The following GNAS variants were observed in gnomAD, a reference collection of about 807,000 sequenced individuals.
The protein encoded by GNAS is GNAS complex locus, also known as protein ALEX.
In GNAS, 8 loss-of-function variants were observed where a neutral mutation model predicts 54.5. The observed-to-expected ratio is 0.15, with a 90% CI of 0.09 to 0.26. GNAS has a LOEUF of 0.26. Ranked by LOEUF, GNAS falls within the 10% of genes least tolerant of loss-of-function variation. The pLI is 1.00. For missense variants in GNAS, 170 were observed against 529.8 expected, an observed-to-expected ratio of 0.32 and a Z score of 6.67; for synonymous variants, 204 against 191.4, an observed-to-expected ratio of 1.07 and a Z score of -0.54.
At chr20:58,844,496 G>A (rs1284264435) in intron 1 of GNAS, among the ~76,000 whole-genome samples, 1 of 152,074 alleles carries the variant, frequency 6.6e-6, no homozygotes, top group African/African-American at 2.4e-5. Context: ...AAAGGCCCAG[G>A]GCTAGCAGCC....
chr20:58,882,195 A>T (rs1356545145), intron 1 of GNAS, among the ~76,000 whole-genome samples: 1 of 152,052 alleles, frequency 6.6e-6, no homozygotes, highest in Non-Finnish European at 1.5e-5. Flanking sequence ...CAGCCTCCCG[A>T]GTAGCTGGGA....
chr20:58,889,226 C>CGCGGT, upstream of GNAS: 7 of 1,207,928 alleles, frequency 5.8e-6, no homozygotes, highest in Non-Finnish European at 7.4e-6. Context: ...GGCTGGCCGG[C>CGCGGT]GCGGCGCTCC....
Position 58,877,732 on chromosome 20 carries a change from C to T in GNAS, c.44-17880C>T, listed in dbSNP as rs775094905. Among the ~76,000 whole-genome samples the T allele has an allele frequency of 4.6e-5, 7 of 152,190 alleles. 1 individual carries two copies. The highest frequency in any genetic ancestry group is 7.3e-5 in the Non-Finnish European group (5 of 68,036). Reference sequence around the variant, plus strand: ...GTCAGCTCAAGCAAGAACGAGAGAACGGCGCTGTCACTGACTTCCCACCTC... The same window carrying T: ...GTCAGCTCAAGCAAGAACGAGAGAATGGCGCTGTCACTGACTTCCCACCTC... On this transcript the variant is annotated intron_variant, in intron 1 of 12. Transcript: ENST00000306090.
At chr20:58,845,475 C>T (rs1465888995) in intron 1 of GNAS, among the ~76,000 whole-genome samples, 4 of 152,204 alleles carry the variant, frequency 2.6e-5, no homozygotes, top group Admixed American at 6.5e-5. Context: ...GTTTGCGCAC[C>T]GCATCCCCCA....
chr20:58,891,551 G>T lies in GNAS; in HGVS notation c.-176G>T, dbSNP rs1159136778. 94 of 971,424 alleles carry T rather than the reference G, an allele frequency of 9.7e-5. No individual in the cohort carries two copies. The African/African-American group carries it at 1.6e-3, about 17-fold the overall frequency. 60.2% of individuals were successfully genotyped at this position (971,424 alleles called of 1,614,324 possible). ...GACCGACACCCTCCCCTTCCCGCCC[G>T]TCCGCGCGCCCCGCGGCCCGCGGCC... On this transcript the variant is annotated 5_prime_UTR_variant, in exon 1 of 13. Transcript: ENST00000371085.
chr20:58,854,373 G>T, intron 1 of GNAS: 1 of 1,572,414 alleles, frequency 6.4e-7, no homozygotes, highest in Non-Finnish European at 8.6e-7. Flanking sequence ...TGCCGCGGAG[G>T]GAGGAAAAGT....
chr20:58,878,921 GA>G (rs1286373956), intron 1 of GNAS, among the ~76,000 whole-genome samples: 2 of 129,680 alleles, frequency 1.5e-5, no homozygotes, highest in African/African-American at 2.9e-5. Flanking sequence ...GTGGGGGGGG[GA>G]GGGAGACAAA....
At chr20:58,854,921 G>A in intron 1 of GNAS, 1 of 1,600,178 alleles carries the variant, frequency 6.2e-7, no homozygotes, top group Non-Finnish European at 8.5e-7. Flanking sequence ...CTGCCTGGCG[G>A]GGCAAGTCCG....
At chr20:58,842,716 CAT>C (rs1237087903) in intron 1 of GNAS, among the ~76,000 whole-genome samples, 2 of 152,158 alleles carry the variant, frequency 1.3e-5, no homozygotes, top group African/African-American at 4.8e-5. Flanking sequence ...CTTTCTGTGA[CAT>C]TAAGTGTTCA....
chr20:58,898,803 G>GGGAGGAT (rs2090328737), intron 2 of GNAS, 138 bp from the exon 3 acceptor site: 1 of 815,632 alleles, frequency 1.2e-6, no homozygotes. Context: ...AAGAATTGCC[G>GGGAGGAT]GGAGGATGGA....
At chr20:58,845,879 A>G (rs1389358788) in intron 1 of GNAS, among the ~76,000 whole-genome samples, 1 of 152,218 alleles carries the variant, frequency 6.6e-6, no homozygotes, top group Non-Finnish European at 1.5e-5. Context: ...TCTGCCTGCA[A>G]CTATTCCCGG....
Position 58,841,304 on chromosome 20 carries a change from T to C in GNAS, c.43+418T>C, listed in dbSNP as rs2085713552. 1 of 1,063,512 alleles carries C rather than the reference T, an allele frequency of 9.4e-7. No individual in the cohort carries two copies. The highest frequency in any genetic ancestry group is 5.0e-5 in the Admixed American group (1 of 20,092). 65.9% of individuals were successfully genotyped at this position (1,063,512 alleles called of 1,614,324 possible). A position where few individuals can be genotyped will look rare whatever the true frequency, so the allele number is the denominator to read the frequency against. On this transcript the variant is annotated intron_variant, in intron 1 of 12. Transcript: ENST00000306090. This position sits in a 1 kb window ranked among gnomAD's most constrained non-coding sequence, Gnocchi z 5.0. The stretch of plus-strand genomic sequence containing the variant: ...TTGGCCTTCTCAGGTGTCCAAAATG[T>C]GGTTCGGAGGTGCGCGCGCCAACTT...
upstream of GNAS, among the ~76,000 whole-genome samples, chr20:58,887,882 A>C (rs2088700212): frequency 6.6e-6 from 1 of 152,158 alleles, no homozygotes; most frequent in Non-Finnish European, 1.5e-5. Context: ...GGCCAAGAAA[A>C]ATAATATGTG....
chr20:58,910,846 T>G lies in GNAS; in HGVS notation c.*17T>G. On this transcript the variant is annotated 3_prime_UTR_variant, in exon 13 of 13. Transcript: ENST00000371085. This position sits in a 1 kb window ranked among gnomAD's most constrained non-coding sequence, Gnocchi z 5.8. ...CTGCTCTAAGAAGGGAACCCCCAAATTTAATTAAAGCCTTAAGCACAATTA... is the reference window on the plus strand; with the variant it reads ...CTGCTCTAAGAAGGGAACCCCCAAAGTTAATTAAAGCCTTAAGCACAATTA... 5 of 1,611,604 alleles carry G rather than the reference T, an allele frequency of 3.1e-6. No individual in the cohort carries two copies. The highest frequency in any genetic ancestry group is 4.2e-6 in the Non-Finnish European group (5 of 1,177,762).
upstream of GNAS, chr20:58,840,793 G>A (rs1408655246): frequency 1.2e-6 from 2 of 1,611,860 alleles, no homozygotes; most frequent in Admixed American, 1.7e-5. The surrounding 1 kb of genome is among the most constrained non-coding windows in gnomAD (Gnocchi z 6.0). Flanking sequence ...GCCGTGACGC[G>A]TCCCCGGAGT....
intron 3 of GNAS, chr20:58,900,188 A>G (rs980183077): frequency 5.3e-6 from 3 of 571,414 alleles, no homozygotes; most frequent in Non-Finnish European, 9.4e-6. Flanking sequence ...CCAAAAAGGC[A>G]TCTCTATAAG....
At chr20:58,849,168 T>C (rs926856527) in intron 1 of GNAS, among the ~76,000 whole-genome samples, 3 of 152,122 alleles carry the variant, frequency 2.0e-5, no homozygotes, top group Non-Finnish European at 2.9e-5. Flanking sequence ...GGGTAGAGGC[T>C]AGGGATGCTG....
Position 58,909,919 on chromosome 20 carries a change from C to G in GNAS, c.840-32C>G, listed in dbSNP as rs1352835484. On this transcript the variant is annotated intron_variant, in intron 10 of 12. Transcript: ENST00000371085. The surrounding 1 kb of genome is among the most constrained non-coding windows in gnomAD (Gnocchi z 7.3). ...GACCCCTGGCCGAAAGCGCGCTTCT[C>G]CCAAGCATTCACACGGCCTCCCTTC... 15 of 1,613,780 alleles carry G rather than the reference C, an allele frequency of 9.3e-6. No homozygotes were observed. The highest frequency in any genetic ancestry group is 1.2e-5 in the Non-Finnish European group (14 of 1,179,886).
intron 1 of GNAS, among the ~76,000 whole-genome samples, chr20:58,847,925 G>T (rs898698936): frequency 1.2e-4 from 18 of 152,224 alleles, no homozygotes; most frequent in Non-Finnish European, 2.5e-4. Flanking sequence ...TGCCATGAAA[G>T]CATCAATAGA....
Sources: allele counts gnomAD v4.1 joint callset (sites outside exome capture counted in the v4.1 genomes callset), GRCh38; gene constraint gnomAD v4.1.1; non-coding constraint Gnocchi (gnomAD v3.1); transcripts MANE v1.5; gene names NCBI Gene and HGNC (gene_info 2026-07-23, HGNC 2026-07-21).